SOX17: variants seen among roughly 807,000 people sequenced by gnomAD.
SOX17 encodes transcription factor SOX-17.
A neutral mutation model predicts 16.0 loss-of-function variants in SOX17; 4 were observed. That is an observed-to-expected ratio of 0.25 (90% confidence interval 0.12 to 0.57). SOX17 has a LOEUF of 0.57. SOX17 is among the 20% of genes least tolerant of loss of function. SOX17 has a pLI of 0.92. For synonymous variants in SOX17, 357 were observed against 284.6 expected (o/e 1.25, Z -2.56); for missense variants, 633 against 609.7 (o/e 1.04, Z -0.40).
chr8:54,459,671 C>A lies in SOX17; in HGVS notation c.921C>A (p.Gly307=). The change falls in exon 2 of 2, where the codon GGC becomes GGA. Residue 307 remains glycine, a synonymous_variant. Transcript: ENST00000297316. ...YGAMGSPGAG[G]GRGFQMQPQH... ...CGATGGGCTCGCCCGGGGCGGGCGG[C>A]GGGCGCGGCTTCCAGATGCAGCCGC... 1 of 1,536,508 alleles carries A rather than the reference C, an allele frequency of 6.5e-7. No individual in the cohort carries two copies. Among genetic ancestry groups the A allele is most frequent in the Non-Finnish European group, 8.7e-7 (1 of 1,145,884 alleles).
rs558313937 is a variant in SOX17, at chr8:54,460,510, A to G, written c.*515A>G. ...ATAAATGCCTTTAAGGAGTATATCT[A>G]AAAATAAACATTAGGATATCTAAGT... On this transcript the variant is annotated 3_prime_UTR_variant, in exon 2 of 2. Transcript: ENST00000297316. The G allele has an allele frequency of 4.2e-6, 1 of 237,830 alleles. No homozygotes were observed. Among genetic ancestry groups the G allele is most frequent in the South Asian group, 1.7e-4 (1 of 5,874 alleles). The allele number at this position is 237,830 out of a possible 1,614,324, so 14.7% of individuals were successfully genotyped here. A position where few individuals can be genotyped will look rare whatever the true frequency, so the allele number is the denominator to read the frequency against.
At position 54,459,407 on chromosome 8, in the gene SOX17, GC is replaced by G; in HGVS notation, c.660del (p.Thr221ArgfsTer166). 1 of 1,546,554 alleles carries G rather than the reference GC, an allele frequency of 6.5e-7. No individual in the cohort carries two copies. Among genetic ancestry groups the G allele is most frequent in the Non-Finnish European group, 8.6e-7 (1 of 1,156,380 alleles). On this transcript the variant is annotated frameshift_variant, in exon 2 of 2. Transcript: ENST00000297316. LOFTEE classifies it low-confidence loss of function (END_TRUNC). ...CGCCTCCGCTCGACGGCTACCCGTT[GC>G]CCACGCCCGACACGTCCCCGCTGGA... ...GAPPLDGYPL[P>X]TPDTSPLDGV...
At position 54,460,169 on chromosome 8, in the gene SOX17, G is replaced by T; in HGVS notation, c.*174G>T. ...TTTTGTCTGCCACTTGAACAGTTTGGGGGGGTGAGGTTTCATTTAAAATTT... is the reference window on the plus strand; with the variant it reads ...TTTTGTCTGCCACTTGAACAGTTTGTGGGGGTGAGGTTTCATTTAAAATTT... On this transcript the variant is annotated 3_prime_UTR_variant, in exon 2 of 2. Coordinates refer to ENST00000297316, the MANE Select transcript of SOX17 (RefSeq NM_022454.4). The T allele has an allele frequency of 4.5e-6, 3 of 674,132 alleles. No individual in the cohort carries two copies. The highest frequency in any genetic ancestry group is 2.8e-5 in the Admixed American group (1 of 35,988). 41.8% of individuals were successfully genotyped at this position (674,132 alleles called of 1,614,324 possible).
chr8:54,460,548 T>C lies in SOX17; in HGVS notation c.*553T>C, dbSNP rs1477727986. ...AGGATATCTAAGTTTGATGTAATTG[T>C]TTCAGGAAGGAAAAAAGAAAAGCAT... On this transcript the variant is annotated 3_prime_UTR_variant, in exon 2 of 2. Coordinates refer to ENST00000297316, the MANE Select transcript of SOX17 (RefSeq NM_022454.4). 4.3e-6 allele frequency: 1 copy of C among 234,218 alleles called. No individual in the cohort carries two copies. Among genetic ancestry groups the C allele is most frequent in the Non-Finnish European group, 8.4e-6 (1 of 118,944 alleles). 14.5% of individuals were successfully genotyped at this position (234,218 alleles called of 1,614,324 possible). A position where few individuals can be genotyped will look rare whatever the true frequency, so the allele number is the denominator to read the frequency against.
At position 54,460,598 on chromosome 8, in the gene SOX17, A is replaced by C. The variant is rs765281355; in HGVS notation, c.*603A>C. 3.4e-5 allele frequency: 8 copies of C among 233,156 alleles called. No individual in the cohort carries two copies. Among genetic ancestry groups the C allele is most frequent in the African/African-American group, 1.8e-4 (8 of 45,314 alleles). The allele number at this position is 233,156 out of a possible 1,614,324, so 14.4% of individuals were successfully genotyped here. A position where few individuals can be genotyped will look rare whatever the true frequency, so the allele number is the denominator to read the frequency against. Reference sequence around the variant, plus strand: ...TTCTGGAATGAGCCTACTTCAAGTAATCTTAGTTTCTAAAACTAACAGTTA... The same window carrying C: ...TTCTGGAATGAGCCTACTTCAAGTACTCTTAGTTTCTAAAACTAACAGTTA... On this transcript the variant is annotated 3_prime_UTR_variant, in exon 2 of 2. Coordinates refer to ENST00000297316, the MANE Select transcript of SOX17 (RefSeq NM_022454.4).
chr8:54,460,063 A>C lies in SOX17; in HGVS notation c.*68A>C, dbSNP rs1804717834. ...TACACACTTCCTGGAGGAGCTAAGG[A>C]AATCCTCAGACTCCTGGGTTTTTGT... On this transcript the variant is annotated 3_prime_UTR_variant, in exon 2 of 2. Coordinates refer to ENST00000297316, the MANE Select transcript of SOX17 (RefSeq NM_022454.4). The C allele has an allele frequency of 6.5e-7, 1 of 1,529,294 alleles. No individual in the cohort carries two copies. The highest frequency in any genetic ancestry group is 9.0e-7 in the Non-Finnish European group (1 of 1,105,704). The allele number at this position is 1,529,294 out of a possible 1,614,324, so 94.7% of individuals were successfully genotyped here. A position where few individuals can be genotyped will look rare whatever the true frequency, so the allele number is the denominator to read the frequency against.
rs774273287 is a variant in SOX17 at position 54,459,732 on chromosome 8, C to A, written c.982C>A (p.Pro328Thr). 6.4e-7 allele frequency: 1 copy of A among 1,560,026 alleles called. No homozygotes were observed. The highest frequency in any genetic ancestry group is 1.7e-4 in the Middle Eastern group (1 of 6,016). ...CCAGCACCAGCACCAGCACCACCCC[C>A]CGGGCCCCGGACAGCCGTCGCCCCC... Reference protein sequence around the residue: ...QHQHQHQHHPPGPGQPSPPPE... With the variant: ...QHQHQHQHHPTGPGQPSPPPE... Residue 328 changes from proline (P) to threonine (T), a missense_variant, in exon 2 of 2, where the codon CCG (proline) becomes ACG (threonine). By Grantham distance (38) the Pro-to-Thr change is conservative. Coordinates refer to ENST00000297316, the MANE Select transcript of SOX17 (RefSeq NM_022454.4).
rs530310740 is a variant in SOX17 at position 54,459,273 on chromosome 8, G to C, written c.523G>C (p.Ala175Pro). The C allele has an allele frequency of 2.6e-6, 4 of 1,510,070 alleles. No homozygotes were observed. Among genetic ancestry groups the C allele is most frequent in the Non-Finnish European group, 3.5e-6 (4 of 1,134,642 alleles). 93.5% of individuals were successfully genotyped at this position (1,510,070 alleles called of 1,614,324 possible). A position where few individuals can be genotyped will look rare whatever the true frequency, so the allele number is the denominator to read the frequency against. Reference protein sequence around the residue: ...AALGPEGGRVAMDGLGLQFPE... With the variant: ...AALGPEGGRVPMDGLGLQFPE... Reference sequence around the variant, plus strand: ...GCTGGGCCCCGAGGGCGGCCGCGTGGCCATGGACGGCCTGGGCCTCCAGTT... The same window carrying C: ...GCTGGGCCCCGAGGGCGGCCGCGTGCCCATGGACGGCCTGGGCCTCCAGTT... Residue 175 changes from alanine (A) to proline (P), a missense_variant, in exon 2 of 2, where the codon GCC becomes CCC. Around this residue, in one of 5 missense-constraint regions of SOX17, gnomAD observed 479 missense variants for 397.2 expected, o/e 1.21. Coordinates refer to ENST00000297316, the MANE Select transcript of SOX17 (RefSeq NM_022454.4).
chr8:54,459,415 C>T lies in SOX17; in HGVS notation c.665C>T (p.Pro222Leu), dbSNP rs1400365685. The T allele has an allele frequency of 2.6e-6, 4 of 1,540,728 alleles. No individual in the cohort carries two copies. The highest frequency in any genetic ancestry group is 3.5e-6 in the Non-Finnish European group (4 of 1,153,064). The change falls in exon 2 of 2, where the codon CCC (proline) becomes CTC (leucine). Residue 222 changes from proline to leucine, a missense_variant. By Grantham distance (98) the Pro-to-Leu change is moderately conservative (BLOSUM62 -3). Coordinates refer to ENST00000297316, the MANE Select transcript of SOX17 (RefSeq NM_022454.4). ...PPLDGYPLPT[P>L]DTSPLDGVDP... ...CTCGACGGCTACCCGTTGCCCACGCCCGACACGTCCCCGCTGGACGGCGTG... is the reference window on the plus strand; with the variant it reads ...CTCGACGGCTACCCGTTGCCCACGCTCGACACGTCCCCGCTGGACGGCGTG...
At position 54,459,496 on chromosome 8, in the gene SOX17, G is replaced by T; in HGVS notation, c.746G>T (p.Gly249Val). 1 of 1,525,716 alleles carries T rather than the reference G, an allele frequency of 6.6e-7. No homozygotes were observed. Among genetic ancestry groups the T allele is most frequent in the South Asian group, 1.2e-5 (1 of 83,108 alleles). 94.5% of individuals were successfully genotyped at this position (1,525,716 alleles called of 1,614,324 possible). A position where few individuals can be genotyped will look rare whatever the true frequency, so the allele number is the denominator to read the frequency against. Residue 249 changes from glycine to valine, a missense_variant, in exon 2 of 2, where the codon GGC becomes GTC. This residue lies in a region of SOX17 where 479 missense variants were observed against 397.2 expected (regional missense o/e 1.21). Transcript: ENST00000297316. ...APMPGDCPAA[G>V]TYSYAQVSDY... ...ATGCCCGGGGACTGCCCGGCGGCCG[G>T]CACCTACAGCTACGCGCAGGTCTCG...
At position 54,457,969 on chromosome 8, in the gene SOX17, C is replaced by T. The variant is rs756108742; in HGVS notation, c.-170C>T. On this transcript the variant is annotated 5_prime_UTR_variant, in exon 1 of 2. It adds an upstream start codon to the 5' untranslated region. Coordinates refer to ENST00000297316, the MANE Select transcript of SOX17 (RefSeq NM_022454.4). ...CTAGGCCGGCTGGGGGCCCTGGGTA[C>T]GCTGTAGACCAGACCGCGACAGGCC... 6.7e-4 allele frequency: 522 copies of T among 774,672 alleles called. 2 individuals carry two copies. The highest frequency in any genetic ancestry group is 8.6e-4 in the Non-Finnish European group (459 of 530,948). 48.0% of individuals were successfully genotyped at this position (774,672 alleles called of 1,614,324 possible). A position where few individuals can be genotyped will look rare whatever the true frequency, so the allele number is the denominator to read the frequency against.
Position 54,459,307 on chromosome 8 carries a change from A to C in SOX17, c.557A>C (p.Gln186Pro). ...MDGLGLQFPE[Q>P]GFPAGPPLLP... Reference sequence around the variant, plus strand: ...GGCCTGGGCCTCCAGTTCCCCGAGCAGGGCTTCCCCGCCGGCCCGCCGCTG... The same window carrying C: ...GGCCTGGGCCTCCAGTTCCCCGAGCCGGGCTTCCCCGCCGGCCCGCCGCTG... The change falls in exon 2 of 2, where the codon CAG becomes CCG. Residue 186 changes from glutamine (Q) to proline (P), a missense_variant. By Grantham distance (76) the Gln-to-Pro change is moderately conservative. Coordinates refer to ENST00000297316, the MANE Select transcript of SOX17 (RefSeq NM_022454.4). 6.6e-7 allele frequency: 1 copy of C among 1,518,106 alleles called. No individual in the cohort carries two copies. Among genetic ancestry groups the C allele is most frequent in the Non-Finnish European group, 8.8e-7 (1 of 1,140,422 alleles). The allele number at this position is 1,518,106 out of a possible 1,614,324, so 94.0% of individuals were successfully genotyped here.
Position 54,457,964 on chromosome 8 carries a change from G to A in SOX17, c.-175G>A. The A allele has an allele frequency of 4.0e-6, 3 of 745,872 alleles. No individual in the cohort carries two copies. Among genetic ancestry groups the A allele is most frequent in the Non-Finnish European group, 5.9e-6 (3 of 504,368 alleles). 46.2% of individuals were successfully genotyped at this position (745,872 alleles called of 1,614,324 possible). On this transcript the variant is annotated 5_prime_UTR_variant, in exon 1 of 2. Transcript: ENST00000297316. ...TGTCACTAGGCCGGCTGGGGGCCCT[G>A]GGTACGCTGTAGACCAGACCGCGAC...
rs762959545 is a variant in SOX17, at chr8:54,459,575, C to T, written c.825C>T (p.Gly275=). ...CCGGTCCCATGCACCCCCGACTCGG[C>T]CCAGAGCCCGCGGGTCCCTCGATTC... The part of the protein sequence containing the change: ...PPAGPMHPRL[G]PEPAGPSIPG... Residue 275 remains glycine, a synonymous_variant, in exon 2 of 2, where the codon GGC becomes GGT. Transcript: ENST00000297316. The T allele has an allele frequency of 5.1e-5, 79 of 1,538,232 alleles. No individual in the cohort carries two copies. The highest frequency in any genetic ancestry group is 6.3e-5 in the Non-Finnish European group (72 of 1,148,242).
At position 54,460,826 on chromosome 8, in the gene SOX17, G is replaced by A; in HGVS notation, c.*831G>A. ...TACACCTTGGGAAGTGGCAAGCATC[G>A]CTGGGTTTAAGATAAAGGAGTCACA... is the stretch of plus-strand genomic sequence containing the variant. On this transcript the variant is annotated 3_prime_UTR_variant, in exon 2 of 2. Coordinates refer to ENST00000297316, the MANE Select transcript of SOX17 (RefSeq NM_022454.4). The A allele has an allele frequency of 4.4e-6, 1 of 225,478 alleles. No individual in the cohort carries two copies. The highest frequency in any genetic ancestry group is 8.8e-6 in the Non-Finnish European group (1 of 113,484). The allele number at this position is 225,478 out of a possible 1,614,324, so 14.0% of individuals were successfully genotyped here.
In SOX17 at chr8:54,459,716, G is replaced by C; in HGVS notation, c.966G>C (p.Gln322His). 1.1e-5 allele frequency: 17 copies of C among 1,550,918 alleles called. No homozygotes were observed. The highest frequency in any genetic ancestry group is 1.4e-5 in the Non-Finnish European group (16 of 1,152,294). ...QMQPQHQHQH[Q>H]HQHHPPGPGQ... ...AGCCGCAACACCAGCACCAGCACCA[G>C]CACCAGCACCACCCCCCGGGCCCCG... Residue 322 changes from glutamine to histidine, a missense_variant, in exon 2 of 2, where the codon CAG (glutamine) becomes CAC (histidine). Physicochemically the swap from Gln to His is conservative, Grantham distance 24 (BLOSUM62 0). Around this residue, in one of 5 missense-constraint regions of SOX17, gnomAD observed 479 missense variants for 397.2 expected, o/e 1.21. Coordinates refer to ENST00000297316, the MANE Select transcript of SOX17 (RefSeq NM_022454.4).
chr8:54,459,390 C>A lies in SOX17; in HGVS notation c.640C>A (p.Leu214Ile). Residue 214 changes from leucine to isoleucine, a missense_variant, in exon 2 of 2, where the codon CTC (leucine) becomes ATC (isoleucine). Physicochemically the swap from Leu to Ile is conservative, Grantham distance 5. This residue lies in a region of SOX17 where 479 missense variants were observed against 397.2 expected (regional missense o/e 1.21). Coordinates refer to ENST00000297316, the MANE Select transcript of SOX17 (RefSeq NM_022454.4). ...CTGCCAGAGTCTGGGCGCGCCTCCGCTCGACGGCTACCCGTTGCCCACGCC... is the reference window on the plus strand; with the variant it reads ...CTGCCAGAGTCTGGGCGCGCCTCCGATCGACGGCTACCCGTTGCCCACGCC... ...RDCQSLGAPPLDGYPLPTPDT... is the reference protein window; with the variant it reads ...RDCQSLGAPPIDGYPLPTPDT... 6.4e-7 allele frequency: 1 copy of A among 1,557,548 alleles called. No individual in the cohort carries two copies. Among genetic ancestry groups the A allele is most frequent in the Non-Finnish European group, 8.6e-7 (1 of 1,162,370 alleles).
At position 54,459,883 on chromosome 8, in the gene SOX17, C is replaced by A. The variant is rs765609726; in HGVS notation, c.1133C>A (p.Pro378His). The change falls in exon 2 of 2, where the codon CCC becomes CAC. Residue 378 changes from proline to histidine, a missense_variant. This residue lies in a region of SOX17 where 479 missense variants were observed against 397.2 expected (regional missense o/e 1.21). Transcript: ENST00000297316. ...HFVCKPEMGL[P>H]YQGHDSGVNL... ...GTGTGCAAGCCTGAGATGGGCCTCC[C>A]CTACCAGGGGCATGACTCCGGTGTG... 1 of 1,613,934 alleles carries A rather than the reference C, an allele frequency of 6.2e-7. No homozygotes were observed. The highest frequency in any genetic ancestry group is 1.7e-5 in the Admixed American group (1 of 60,030).
intron 1 of SOX17, 23 bp downstream of exon 1, chr8:54,458,468 G>C: frequency 6.2e-7 from 1 of 1,612,134 alleles, no homozygotes. Context: ...CGCAGACCCA[G>C]GCGGCCGGGC....
Sources: allele counts gnomAD v4.1 joint callset, GRCh38; gene constraint gnomAD v4.1.1; regional missense constraint gnomAD v4.1.1; transcripts MANE v1.5; gene names NCBI Gene and HGNC (gene_info 2026-07-23, HGNC 2026-07-21).